Variants in SLC23A2 observed in about 807,000 individuals in gnomAD.
SLC23A2 encodes the protein Na(+)/L-ascorbic acid transporter 2.
Under a neutral mutation model 73.3 loss-of-function variants are expected in SLC23A2, and 36 were observed. The ratio of observed to expected loss-of-function variants is 0.49; its 90% CI spans 0.38 to 0.65. SLC23A2 has a LOEUF of 0.65. Among genes scored for constraint, SLC23A2 ranks in the 30% least tolerant of loss-of-function variants. The pLI is 0.00. For synonymous variants in SLC23A2, 343 were observed against 327.3 expected (o/e 1.05, Z -0.52); for missense variants, 507 against 841.6 (o/e 0.60, Z 4.92).
chr20:4,931,126 A>G (rs892520223), intron 3 of SLC23A2, among the ~76,000 whole-genome samples: 1 of 149,968 alleles, frequency 6.7e-6, no homozygotes, highest in African/African-American at 2.5e-5. Flanking sequence ...GCTTGAGCTC[A>G]AGCTCTCAAG....
chr20:4,968,054 G>A (rs781403431), intron 2 of SLC23A2, among the ~76,000 whole-genome samples: 1 of 152,120 alleles, frequency 6.6e-6, no homozygotes, highest in Non-Finnish European at 1.5e-5. Context: ...GCCCTTGGTG[G>A]GCTGGAGCAA....
chr20:4,958,536 A>C (rs550956054), intron 2 of SLC23A2, among the ~76,000 whole-genome samples: 43 of 152,292 alleles, frequency 2.8e-4, no homozygotes, highest in African/African-American at 9.9e-4. Flanking sequence ...ATTTTCTAGC[A>C]GTAGCTGCAA....
At chr20:4,971,276 G>A (rs1021971133) in intron 1 of SLC23A2, among the ~76,000 whole-genome samples, 5 of 151,018 alleles carry the variant, frequency 3.3e-5, no homozygotes, top group African/African-American at 4.9e-5. Flanking sequence ...AGACCAGCCT[G>A]AGCAATAGGG....
In SLC23A2 at chr20:4,911,408, A is replaced by C. The variant is rs80022337; in HGVS notation, c.207+1472T>G. On this transcript the variant is annotated intron_variant, in intron 4 of 16. Transcript: ENST00000338244. ...CTGGAATTTTGTTTAAAAGGGCATA[A>C]AATTTGGTTATTTCAGAATTTCAAT... 2.6e-3 allele frequency among the ~76,000 whole-genome samples: 390 copies of C among 152,320 alleles called. 1 individual carries two copies. Among genetic ancestry groups the C allele is most frequent in the African/African-American group, 8.8e-3 (365 of 41,566 alleles).
At chr20:4,995,839 G>A (rs1175064856) in intron 1 of SLC23A2, among the ~76,000 whole-genome samples, 1 of 152,198 alleles carries the variant, frequency 6.6e-6, no homozygotes, top group Non-Finnish European at 1.5e-5. Flanking sequence ...TGCAGAGACT[G>A]ATCAACGTGA....
intron 1 of SLC23A2, among the ~76,000 whole-genome samples, chr20:5,000,645 A>C (rs972513733): frequency 6.6e-6 from 1 of 152,016 alleles, no homozygotes; most frequent in African/African-American, 2.4e-5. Context: ...ATAATTTCCC[A>C]TCAGTCACGC....
intron 1 of SLC23A2, among the ~76,000 whole-genome samples, chr20:4,980,446 A>G (rs2087707797): frequency 2.0e-5 from 3 of 152,190 alleles, no homozygotes; most frequent in Admixed American, 6.6e-5. Flanking sequence ...CTAAGTAAAA[A>G]ACAGGCTTAA....
At chr20:4,920,481 G>A (rs902571867) in intron 3 of SLC23A2, among the ~76,000 whole-genome samples, 1 of 152,138 alleles carries the variant, frequency 6.6e-6, no homozygotes, top group Non-Finnish European at 1.5e-5. Context: ...TTACACCTGA[G>A]TGAAACAACT....
At chr20:4,898,160 C>T (rs573932825) in intron 6 of SLC23A2, among the ~76,000 whole-genome samples, 1 of 152,236 alleles carries the variant, frequency 6.6e-6, no homozygotes, top group Admixed American at 6.5e-5. Context: ...CCCTGCCCTG[C>T]CCCCTGGGGG....
intron 7 of SLC23A2, among the ~76,000 whole-genome samples, chr20:4,885,509 A>T (rs1236927598): frequency 1.3e-5 from 2 of 152,224 alleles, no homozygotes; most frequent in Non-Finnish European, 2.9e-5. Context: ...CATAAAATCC[A>T]CTGAAAGAGA....
rs181679551 is a variant in SLC23A2, at chr20:4,985,691, C to G, written c.-281-14772G>C. 3.9e-3 allele frequency among the ~76,000 whole-genome samples: 590 copies of G among 152,188 alleles called. 4 individuals carry two copies. Among genetic ancestry groups the G allele is most frequent in the African/African-American group, 0.013 (549 of 41,554 alleles). ...TTGAACTCCTGAGCTCAGGTGATCC[C>G]CCCACCTTGGCTTCCCAAAGTGCTG... On this transcript the variant is annotated intron_variant, in intron 1 of 16. Coordinates refer to ENST00000338244, the MANE Select transcript of SLC23A2 (RefSeq NM_005116.6).
chr20:4,869,900 ACG>A lies in SLC23A2; in HGVS notation c.1250+4_1250+5del. On this transcript the variant is annotated splice_donor_5th_base_variant and intron_variant, in intron 12 of 16. Transcript: ENST00000338244. Reference sequence around the variant, plus strand: ...CAATCAGGAACTTGTCTTCTCAGGAACGTACCTGTTTATTGCGTGGATGGGGG... The same window carrying A: ...CAATCAGGAACTTGTCTTCTCAGGAATACCTGTTTATTGCGTGGATGGGGG... 1 of 1,534,440 alleles carries A rather than the reference ACG, an allele frequency of 6.5e-7. No individual in the cohort carries two copies. The highest frequency in any genetic ancestry group is 8.9e-7 in the Non-Finnish European group (1 of 1,124,418).
chr20:4,959,138 G>C (rs914727772), intron 2 of SLC23A2, among the ~76,000 whole-genome samples: 4 of 151,530 alleles, frequency 2.6e-5, no homozygotes, highest in African/African-American at 9.7e-5. Flanking sequence ...AGAATCACTT[G>C]AACCCAGGAG....
rs367687251 is a variant in SLC23A2 at position 4,862,770 on chromosome 20, A to G, written c.1486+8T>C. 8.1e-6 allele frequency: 13 copies of G among 1,606,212 alleles called. No homozygotes were observed. The highest frequency in any genetic ancestry group is 4.5e-5 in the East Asian group (2 of 44,616). On this transcript the variant is annotated splice_region_variant and intron_variant, in intron 14 of 16. Coordinates refer to ENST00000338244, the MANE Select transcript of SLC23A2 (RefSeq NM_005116.6). This position sits in a 1 kb window ranked among gnomAD's most constrained non-coding sequence, Gnocchi z 5.1. ...AGTAAAGGAAAAAGCCAGAGAGGGG[A>G]GTCTTACCAAAGAGCGTGCAGAACA...
intron 1 of SLC23A2, among the ~76,000 whole-genome samples, chr20:4,996,694 A>AAC (rs1224170822): frequency 7.1e-6 from 1 of 140,576 alleles, no homozygotes; most frequent in South Asian, 2.3e-4. Context: ...TCAAAAAAAA[A>AAC]AAAAAAAAAA....
chr20:4,877,266 T>C (rs185375580), intron 9 of SLC23A2, among the ~76,000 whole-genome samples: 110 of 152,338 alleles, frequency 7.2e-4, no homozygotes, highest in African/African-American at 2.5e-3. Context: ...TTGCTTCTAA[T>C]ACTCAGTCTT....
chr20:4,991,720 T>TCTCACACA (rs1555809316), intron 1 of SLC23A2, among the ~76,000 whole-genome samples: 2 of 139,426 alleles, frequency 1.4e-5, no homozygotes, highest in African/African-American at 2.7e-5. Context: ...AGACTCCGTT[T>TCTCACACA]CACACACACA....
chr20:4,974,703 T>C (rs985290911), intron 1 of SLC23A2, among the ~76,000 whole-genome samples: 1 of 152,238 alleles, frequency 6.6e-6, no homozygotes, highest in African/African-American at 2.4e-5. Context: ...TGTATTTTTT[T>C]CAAGGTCTTA....
At chr20:4,921,602 C>CAA (rs1258373626) in intron 3 of SLC23A2, among the ~76,000 whole-genome samples, 5 of 86,748 alleles carry the variant, frequency 5.8e-5, no homozygotes, top group Non-Finnish European at 7.8e-5. Flanking sequence ...CAATCACAAC[C>CAA]AAAAAAAAAA....
Sources: gnomAD v4.1 joint callset for allele counts (sites outside exome capture counted in the v4.1 genomes callset) on GRCh38, gnomAD v4.1.1 for gene constraint, Gnocchi (gnomAD v3.1) non-coding constraint, MANE v1.5 for transcripts, NCBI Gene and HGNC (gene_info 2026-07-23, HGNC 2026-07-21) for gene names.